The following CAST variants were observed in gnomAD, a reference collection of about 807,000 sequenced individuals.
CAST encodes calpastatin.
CAST carries 76 observed loss-of-function variants against 119.6 expected under a neutral mutation model. That is an observed-to-expected ratio of 0.64 (90% confidence interval 0.53 to 0.77). CAST has a LOEUF of 0.77. Among genes scored for constraint, CAST ranks in the 30% least tolerant of loss-of-function variants. CAST has a pLI of 0.00. For synonymous variants in CAST, 319 were observed against 331.6 expected (o/e 0.96, Z 0.41); for missense variants, 953 against 946.5 (o/e 1.01, Z -0.09).
At position 96,631,482 on chromosome 5, in the gene CAST, TTTTA is replaced by T. The variant is rs1580853327; in HGVS notation, c.61-44050_61-44047del. On this transcript the variant is annotated intron_variant, in intron 1 of 11. Transcript: ENST00000505143. ...ATAACATCCCATTGTATGGATTTCA[TTTTA>T]TTTATTCATTAGCTGATGGGCATTT... is the stretch of plus-strand genomic sequence containing the variant. 1.4e-5 allele frequency among the ~76,000 whole-genome samples: 2 copies of T among 141,066 alleles called. 1 individual carries two copies. The highest frequency in any genetic ancestry group is 1.4e-4 in the Admixed American group (2 of 13,816). 92.5% of individuals were successfully genotyped at this position (141,066 alleles called of 152,430 possible). A position where few individuals can be genotyped will look rare whatever the true frequency, so the allele number is the denominator to read the frequency against.
chr5:96,303,171 C>A, the CAST span, among the ~76,000 whole-genome samples: 1 of 152,112 alleles, frequency 6.6e-6, no homozygotes. Context: ...AGGAAGAGAG[C>A]AAAGGGGGAA....
chr5:96,455,019 T>A, the CAST span, among the ~76,000 whole-genome samples: 1 of 152,204 alleles, frequency 6.6e-6, no homozygotes, highest in South Asian at 2.1e-4. Flanking sequence ...CCTTTCTAAA[T>A]GAATTTAGCA....
At chr5:96,127,288 G>C in the CAST span, among the ~76,000 whole-genome samples, 2 of 152,090 alleles carry the variant, frequency 1.3e-5, no homozygotes, top group Non-Finnish European at 2.9e-5. Context: ...GTTGTGTGAA[G>C]AAAGATACTC....
chr5:96,584,110 A>G (rs1267755539), intron 1 of CAST, among the ~76,000 whole-genome samples: 1 of 152,074 alleles, frequency 6.6e-6, no homozygotes, highest in Non-Finnish European at 1.5e-5. Flanking sequence ...GTGGAAGACA[A>G]TTTTTCCACA....
At chr5:95,985,584 G>GAATTT in the CAST span, among the ~76,000 whole-genome samples, 1 of 152,166 alleles carries the variant, frequency 6.6e-6, no homozygotes, top group Non-Finnish European at 1.5e-5. Context: ...TACATAGCTG[G>GAATTT]CCCCTGATGG....
chr5:96,195,017 T>C, the CAST span, among the ~76,000 whole-genome samples: 1 of 152,372 alleles, frequency 6.6e-6, no homozygotes, highest in South Asian at 2.1e-4. Context: ...AGGAAAAGAC[T>C]TGTGGGGGAC....
chr5:95,998,417 T>C, the CAST span, among the ~76,000 whole-genome samples: 1 of 152,104 alleles, frequency 6.6e-6, no homozygotes, highest in Admixed American at 6.6e-5. Flanking sequence ...CTTGTCTTCA[T>C]CCCACCTTTT....
At chr5:95,980,813 A>G in the CAST span, among the ~76,000 whole-genome samples, 3 of 152,024 alleles carry the variant, frequency 2.0e-5, no homozygotes, top group African/African-American at 4.8e-5. Flanking sequence ...CCCACTACCC[A>G]TGCAATCCCA....
At chr5:96,137,429 A>G in the CAST span, among the ~76,000 whole-genome samples, 2 of 152,108 alleles carry the variant, frequency 1.3e-5, no homozygotes, top group East Asian at 3.8e-4. Context: ...ATTTCTTACC[A>G]TCTTCCAGAT....
At chr5:96,397,495 A>G in the CAST span, 1 of 1,602,484 alleles carries the variant, frequency 6.2e-7, no homozygotes, top group Non-Finnish European at 8.6e-7. Flanking sequence ...AAGTTAATGA[A>G]TGTCCTAATA....
chr5:96,327,926 T>C, the CAST span, among the ~76,000 whole-genome samples: 1 of 152,226 alleles, frequency 6.6e-6, no homozygotes, highest in African/African-American at 2.4e-5. Context: ...TGTAAAGTGC[T>C]GTACAAATCT....
chr5:96,240,951 A>G, the CAST span, among the ~76,000 whole-genome samples: 8 of 152,114 alleles, frequency 5.3e-5, no homozygotes, highest in Non-Finnish European at 1.0e-4. Context: ...CAGCTACAAT[A>G]CAGAATGAAA....
the CAST span, among the ~76,000 whole-genome samples, chr5:96,350,071 G>T: frequency 6.6e-6 from 1 of 152,192 alleles, no homozygotes; most frequent in Non-Finnish European, 1.5e-5. Flanking sequence ...AAGCCAAAAA[G>T]TGTCTGCGAC....
At chr5:96,109,612 G>T in the CAST span, among the ~76,000 whole-genome samples, 1 of 152,162 alleles carries the variant, frequency 6.6e-6, no homozygotes, top group Non-Finnish European at 1.5e-5. Context: ...AGCAGGAGTG[G>T]GGGTGATGTT....
intron 2 of CAST, chr5:96,675,826 A>T (rs1309531745): frequency 1.4e-5 from 6 of 427,992 alleles, no homozygotes; most frequent in Non-Finnish European, 2.5e-5. Flanking sequence ...CCCTTTAGTA[A>T]TAGAACTTTG....
At chr5:95,994,999 T>G in the CAST span, among the ~76,000 whole-genome samples, 2 of 152,170 alleles carry the variant, frequency 1.3e-5, no homozygotes, top group Non-Finnish European at 2.9e-5. Context: ...TGGCTGACTC[T>G]CATACTGACC....
chr5:96,484,759 G>A, the CAST span, among the ~76,000 whole-genome samples: 1 of 73,762 alleles, frequency 1.4e-5, no homozygotes, highest in African/African-American at 7.1e-5. Flanking sequence ...GTAGAGCTGG[G>A]GGGCCATCAT....
chr5:96,226,419 G>A, the CAST span, among the ~76,000 whole-genome samples: 4 of 152,178 alleles, frequency 2.6e-5, no homozygotes, highest in Non-Finnish European at 5.9e-5. Flanking sequence ...GGGAGGCTGA[G>A]GTGGGCAGAT....
chr5:96,534,890 A>G (rs967548800), intron 1 of CAST, among the ~76,000 whole-genome samples: 1 of 150,230 alleles, frequency 6.7e-6, no homozygotes, highest in Non-Finnish European at 1.5e-5. Context: ...AAAAGAAAGA[A>G]AGAAGGAAAG....
Sources: allele counts gnomAD v4.1 joint callset (sites outside exome capture counted in the v4.1 genomes callset), GRCh38; gene constraint gnomAD v4.1.1; transcripts MANE v1.5; gene names NCBI Gene and HGNC (gene_info 2026-07-23, HGNC 2026-07-21).